Variants in PCCA observed in about 807,000 individuals in gnomAD.
PCCA encodes the protein propionyl-CoA carboxylase alpha chain, mitochondrial.
A neutral mutation model predicts 101.3 loss-of-function variants in PCCA; 74 were observed. The ratio of observed to expected loss-of-function variants is 0.73; its 90% CI spans 0.61 to 0.89. PCCA has a LOEUF of 0.89. Among genes scored for constraint, PCCA ranks in the 40% least tolerant of loss-of-function variants. PCCA has a pLI of 0.00. For synonymous variants in PCCA, 294 were observed against 313.6 expected (o/e 0.94, Z 0.66); for missense variants, 891 against 907.0 (o/e 0.98, Z 0.23).
chr13:100,515,698 A>G (rs2086787488), intron 22 of PCCA, 131 bp downstream of exon 22: 1 of 1,041,820 alleles, frequency 9.6e-7, no homozygotes, highest in Admixed American at 1.8e-5. Flanking sequence ...AAACAGCAAA[A>G]TCGATTGCGT....
intron 6 of PCCA, among the ~76,000 whole-genome samples, chr13:100,159,756 G>A (rs1393179692): frequency 6.6e-6 from 1 of 152,084 alleles, no homozygotes; most frequent in African/African-American, 2.4e-5. Context: ...CTGACTGTGC[G>A]CTGCTCCCAT....
At position 100,458,429 on chromosome 13, in the gene PCCA, A is replaced by G. The variant is rs1205425347; in HGVS notation, c.1899+9124A>G. 1.9e-4 allele frequency among the ~76,000 whole-genome samples: 16 copies of G among 83,324 alleles called. 1 individual carries two copies. In the East Asian group the frequency reaches 5.7e-3, roughly 30 times the overall value. The allele number at this position is 83,324 out of a possible 152,430, so 54.7% of individuals were successfully genotyped here. ...TGGGACCCCATCTCTGCGCGCACACACACACACACATACACACACACACAC... is the reference window on the plus strand; with the variant it reads ...TGGGACCCCATCTCTGCGCGCACACGCACACACACATACACACACACACAC... On this transcript the variant is annotated intron_variant, in intron 21 of 23. Transcript: ENST00000376285.
intron 2 of PCCA, among the ~76,000 whole-genome samples, chr13:100,105,505 A>G (rs770586296): frequency 6.6e-6 from 1 of 152,048 alleles, no homozygotes; most frequent in Admixed American, 6.6e-5. Flanking sequence ...ATACACTGGT[A>G]GCCTTCCTCA....
chr13:100,281,700 T>A (rs2064134745), intron 12 of PCCA, among the ~76,000 whole-genome samples: 2 of 152,372 alleles, frequency 1.3e-5, no homozygotes, highest in Admixed American at 1.3e-4. Flanking sequence ...TTGTTTTTTT[T>A]AACATACTAA....
At chr13:100,521,682 T>C (rs993160172) in intron 22 of PCCA, among the ~76,000 whole-genome samples, 2 of 152,174 alleles carry the variant, frequency 1.3e-5, no homozygotes, top group Admixed American at 6.5e-5. Flanking sequence ...AGATGCCTTT[T>C]TTTGTGACTG....
intron 7 of PCCA, among the ~76,000 whole-genome samples, chr13:100,226,058 T>A (rs1196705134): frequency 1.3e-5 from 2 of 152,164 alleles, no homozygotes; most frequent in Non-Finnish European, 2.9e-5. Flanking sequence ...CCCAAAGTGC[T>A]GGAATTGCAG....
At chr13:100,511,511 C>T (rs2086475887) in intron 21 of PCCA, among the ~76,000 whole-genome samples, 1 of 152,200 alleles carries the variant, frequency 6.6e-6, no homozygotes, top group Non-Finnish European at 1.5e-5. Flanking sequence ...ATAGCTGATG[C>T]ACAGTGATTT....
chr13:100,264,194 ATCATATATGTGATATCTGTATC>A (rs2062771771), intron 10 of PCCA, among the ~76,000 whole-genome samples: 9 of 88,844 alleles, frequency 1.0e-4, no homozygotes, highest in African/African-American at 3.5e-4. Context: ...ATATCTGTAT[ATCATATATGTGATATCTGTATC>A]TCATATATAT....
At chr13:100,191,784 T>C (rs1172488833) in intron 6 of PCCA, among the ~76,000 whole-genome samples, 1 of 152,246 alleles carries the variant, frequency 6.6e-6, no homozygotes, top group Non-Finnish European at 1.5e-5. Context: ...CGCTGGCTGC[T>C]ACAACATTGT....
chr13:100,370,396 C>A (rs1275443482), intron 19 of PCCA, among the ~76,000 whole-genome samples: 1 of 151,974 alleles, frequency 6.6e-6, no homozygotes, highest in East Asian at 1.9e-4. Context: ...GTTTTAGATT[C>A]CATGTTGAAA....
chr13:100,481,309 G>C (rs563757637), intron 21 of PCCA, among the ~76,000 whole-genome samples: 2 of 152,300 alleles, frequency 1.3e-5, no homozygotes, highest in East Asian at 3.9e-4. Context: ...TGTAATCCCA[G>C]CATTTTGGGA....
chr13:100,348,274 A>T (rs993594578), intron 18 of PCCA, among the ~76,000 whole-genome samples: 1 of 152,146 alleles, frequency 6.6e-6, no homozygotes, highest in African/African-American at 2.4e-5. Flanking sequence ...ATCATTTATG[A>T]CTTGGAAAAA....
At chr13:100,146,088 C>T (rs1159549829) in intron 4 of PCCA, among the ~76,000 whole-genome samples, 4 of 150,016 alleles carry the variant, frequency 2.7e-5, no homozygotes, top group East Asian at 2.1e-4. Context: ...CATAGATATG[C>T]GCCACCACAC....
intron 19 of PCCA, among the ~76,000 whole-genome samples, chr13:100,423,933 A>G (rs1189773192): frequency 1.3e-5 from 2 of 152,164 alleles, no homozygotes; most frequent in Non-Finnish European, 2.9e-5. Flanking sequence ...CCACTGAGTA[A>G]CATCTCTCGC....
intron 4 of PCCA, among the ~76,000 whole-genome samples, chr13:100,113,579 T>C: frequency 7.6e-6 from 1 of 131,252 alleles, no homozygotes; most frequent in Non-Finnish European, 1.6e-5. Context: ...TTTGACTCTT[T>C]CTTTTTTTTT....
intron 17 of PCCA, among the ~76,000 whole-genome samples, chr13:100,335,289 C>T (rs556992253): frequency 1.3e-5 from 2 of 152,236 alleles, no homozygotes; most frequent in African/African-American, 2.4e-5. Context: ...ATTTTTCCCC[C>T]TACCCCCAAA....
At chr13:100,344,513 C>G (rs941379858) in intron 18 of PCCA, among the ~76,000 whole-genome samples, 2 of 152,148 alleles carry the variant, frequency 1.3e-5, no homozygotes, top group Non-Finnish European at 2.9e-5. Context: ...TGCTTTTGTA[C>G]TCATTAGTTC....
rs2059062553 is a variant in PCCA at position 100,209,318 on chromosome 13, GT to G, written c.469-9del. Reference sequence around the variant, plus strand: ...ATGTTCTTGTTATAAATTTTGACTTGTTTTTCTCCACAGGCAGCAGAAGATG... The same window carrying G: ...ATGTTCTTGTTATAAATTTTGACTTGTTTTCTCCACAGGCAGCAGAAGATG... On this transcript the variant is annotated splice_polypyrimidine_tract_variant and intron_variant, in intron 6 of 23. Transcript: ENST00000376285. 6.2e-7 allele frequency: 1 copy of G among 1,612,540 alleles called. No individual in the cohort carries two copies. Among genetic ancestry groups the G allele is most frequent in the Admixed American group, 1.7e-5 (1 of 59,976 alleles).
intron 19 of PCCA, among the ~76,000 whole-genome samples, chr13:100,411,952 A>G (rs2078079921): frequency 1.3e-5 from 2 of 152,224 alleles, no homozygotes; most frequent in African/African-American, 4.8e-5. Context: ...CATGAAGGAC[A>G]AGCAAAGTTA....
Sources: gnomAD v4.1 joint callset for allele counts (sites outside exome capture counted in the v4.1 genomes callset) on GRCh38, gnomAD v4.1.1 for gene constraint, MANE v1.5 for transcripts, NCBI Gene and HGNC (gene_info 2026-07-23, HGNC 2026-07-21) for gene names.